Variants in STAG1 observed in about 807,000 individuals in gnomAD.
The protein encoded by STAG1 is cohesin subunit SA-1.
Under a neutral mutation model 170.9 loss-of-function variants are expected in STAG1, and 26 were observed. That is an observed-to-expected ratio of 0.15 (90% CI 0.11 to 0.21). STAG1 has a LOEUF of 0.21. Ranked by LOEUF, STAG1 falls within the 10% of genes least tolerant of loss-of-function variation. The pLI, the probability that STAG1 is intolerant of heterozygous loss-of-function variation, is 1.00. For synonymous variants in STAG1, 514 were observed against 497.7 expected (o/e 1.03, Z -0.44); for missense variants, 964 against 1,509.5 (o/e 0.64, Z 5.99).
chr3:136,400,235 C>CT (rs1237606312), intron 21 of STAG1, among the ~76,000 whole-genome samples: 128 of 148,752 alleles, frequency 8.6e-4, no homozygotes, highest in African/African-American at 2.2e-3. Flanking sequence ...CAAAAATTTT[C>CT]TTTTTTTTTT....
intron 4 of STAG1, among the ~76,000 whole-genome samples, chr3:136,600,059 A>G (rs1376272562): frequency 6.6e-6 from 1 of 152,238 alleles, no homozygotes; most frequent in African/African-American, 2.4e-5. Context: ...ATTTCAATTC[A>G]GGTGTCAGTT....
chr3:136,380,915 G>A lies in STAG1; in HGVS notation c.2278-3163C>T, dbSNP rs2108313145. On this transcript the variant is annotated intron_variant, in intron 22 of 33. Transcript: ENST00000383202. ...GGTGCCTGTAATCCCAACTACTCAG[G>A]AAGCTGAGGCAAGAGAATCGCTTGA... is the stretch of plus-strand genomic sequence containing the variant. Among the ~76,000 whole-genome samples the A allele has an allele frequency of 2.0e-5, 3 of 151,498 alleles. No individual in the cohort carries two copies. The South Asian group carries it at 6.3e-4, about 32-fold the overall frequency.
At chr3:136,345,397 AG>A (rs1936176393) in intron 29 of STAG1, among the ~76,000 whole-genome samples, 1 of 151,972 alleles carries the variant, frequency 6.6e-6, no homozygotes. Context: ...TGGTTTATAA[AG>A]ATTTGAGCAG....
chr3:136,457,746 C>T (rs1188219228), intron 13 of STAG1, among the ~76,000 whole-genome samples: 3 of 152,084 alleles, frequency 2.0e-5, no homozygotes, highest in African/African-American at 7.2e-5. Flanking sequence ...CTTTAAAATG[C>T]AGCAAGTAAA....
intron 1 of STAG1, among the ~76,000 whole-genome samples, chr3:136,714,992 TTTA>T (rs1943496223): frequency 9.0e-6 from 1 of 110,854 alleles, no homozygotes; most frequent in Non-Finnish European, 2.0e-5. Flanking sequence ...ATATATATAT[TTTA>T]TATATATAAT....
At chr3:136,611,839 T>C (rs147691675) in intron 3 of STAG1, among the ~76,000 whole-genome samples, 1 of 150,894 alleles carries the variant, frequency 6.6e-6, no homozygotes, top group Non-Finnish European at 1.5e-5. Flanking sequence ...TCACATAAGG[T>C]TATGTGTGGA....
At chr3:136,359,078 CAT>C (rs1936762217) in intron 27 of STAG1, 68 bp downstream of exon 27, 1 of 1,247,816 alleles carries the variant, frequency 8.0e-7, no homozygotes, top group East Asian at 2.6e-5. Flanking sequence ...AAAAATGGGT[CAT>C]ATAAGAGTTA....
In STAG1 at chr3:136,337,688, C is replaced by T. The variant is rs1201485345; in HGVS notation, c.*566G>A. 6.6e-6 allele frequency: 1 copy of T among 152,618 alleles called. No homozygotes were observed. Among genetic ancestry groups the T allele is most frequent in the Non-Finnish European group, 1.5e-5 (1 of 68,044 alleles). 9.5% of individuals were successfully genotyped at this position (152,618 alleles called of 1,614,324 possible). A position where few individuals can be genotyped will look rare whatever the true frequency, so the allele number is the denominator to read the frequency against. On this transcript the variant is annotated 3_prime_UTR_variant, in exon 34 of 34. Transcript: ENST00000383202. ...GTACTATGTCAGAATTTCATCTTAG[C>T]TTGTCAATGTTCTGCTCCTTCATTA...
intron 1 of STAG1, among the ~76,000 whole-genome samples, chr3:136,651,603 T>A (rs1280504205): frequency 6.6e-6 from 1 of 152,188 alleles, no homozygotes; most frequent in Non-Finnish European, 1.5e-5. Flanking sequence ...TAATATTTAC[T>A]AATTTCTCAT....
chr3:136,368,646 T>G (rs1317049241), intron 24 of STAG1, among the ~76,000 whole-genome samples: 2 of 152,160 alleles, frequency 1.3e-5, no homozygotes, highest in Non-Finnish European at 2.9e-5. Context: ...TAGCCATATG[T>G]CAATCTGTGT....
chr3:136,522,980 T>A (rs1934766224), intron 6 of STAG1, among the ~76,000 whole-genome samples: 1 of 152,180 alleles, frequency 6.6e-6, no homozygotes. Context: ...GATGGACATG[T>A]GGGTTGGTTC....
chr3:136,426,598 C>A (rs528936597), intron 16 of STAG1, among the ~76,000 whole-genome samples: 2 of 152,272 alleles, frequency 1.3e-5, no homozygotes, highest in South Asian at 4.1e-4. Context: ...CACACACTTA[C>A]AGATTGTACA....
At chr3:136,558,818 T>C (rs879539912) in intron 5 of STAG1, among the ~76,000 whole-genome samples, 22 of 152,188 alleles carry the variant, frequency 1.4e-4, no homozygotes, top group South Asian at 4.1e-4. Flanking sequence ...GTGCAAAAGA[T>C]AGCTTTTAGT....
chr3:136,392,130 A>G (rs1453211975), intron 22 of STAG1, among the ~76,000 whole-genome samples: 1 of 152,220 alleles, frequency 6.6e-6, no homozygotes, highest in Non-Finnish European at 1.5e-5. Flanking sequence ...ATGCATCAAG[A>G]ACCTTAAAAG....
At chr3:136,605,634 A>G (rs965086427) in intron 3 of STAG1, among the ~76,000 whole-genome samples, 1 of 151,926 alleles carries the variant, frequency 6.6e-6, no homozygotes, top group Non-Finnish European at 1.5e-5. Flanking sequence ...TATGCTCTCT[A>G]TTGAGTAATT....
intron 9 of STAG1, among the ~76,000 whole-genome samples, chr3:136,498,629 C>T (rs944811872): frequency 1.3e-5 from 2 of 151,206 alleles, no homozygotes; most frequent in African/African-American, 4.9e-5. Context: ...TATGTCAAAA[C>T]TCATCAAATT....
At chr3:136,558,957 CT>C (rs1364303404) in intron 5 of STAG1, among the ~76,000 whole-genome samples, 4 of 152,056 alleles carry the variant, frequency 2.6e-5, no homozygotes, top group African/African-American at 9.7e-5. Flanking sequence ...AAATTGAACA[CT>C]GGGAAACTTT....
intron 5 of STAG1, among the ~76,000 whole-genome samples, chr3:136,548,119 GTTTT>G (rs112244750): frequency 9.8e-5 from 14 of 142,384 alleles, no homozygotes; most frequent in Non-Finnish European, 1.9e-4. Flanking sequence ...GTTTTGTTTT[GTTTT>G]TTTTTTTTGA....
intron 20 of STAG1, among the ~76,000 whole-genome samples, chr3:136,420,110 G>C (rs1489438273): frequency 6.6e-6 from 1 of 151,708 alleles, no homozygotes; most frequent in Non-Finnish European, 1.5e-5. Flanking sequence ...AGCTGAGCAA[G>C]GTGGTGTACA....
Sources: gnomAD v4.1 joint callset for allele counts (sites outside exome capture counted in the v4.1 genomes callset) on GRCh38, gnomAD v4.1.1 for gene constraint, MANE v1.5 for transcripts, NCBI Gene and HGNC (gene_info 2026-07-23, HGNC 2026-07-21) for gene names.